The following ZNF681 variants were observed in gnomAD, a reference collection of about 807,000 sequenced individuals.
ZNF681 encodes hypothetical protein FLJ31526.
Under a neutral mutation model 56.0 loss-of-function variants are expected in ZNF681, and 37 were observed. That is an observed-to-expected ratio of 0.66 (90% CI 0.51 to 0.87). ZNF681 has a LOEUF of 0.87. Among genes scored for constraint, ZNF681 ranks in the 40% least tolerant of loss-of-function variants. The probability of loss-of-function intolerance (pLI) is 0.00; values close to 1 mark genes in which losing one functional copy is unlikely to be tolerated. For missense variants in ZNF681, 741 were observed against 744.9 expected, an observed-to-expected ratio of 0.99 and a Z score of 0.06; for synonymous variants, 225 against 248.6, an observed-to-expected ratio of 0.91 and a Z score of 0.89.
chr19:23,754,928 T>G lies in ZNF681; in HGVS notation c.131-10A>C. 1 of 1,606,514 alleles carries G rather than the reference T, an allele frequency of 6.2e-7. No homozygotes were observed. On this transcript the variant is annotated splice_polypyrimidine_tract_variant and intron_variant, in intron 2 of 3. Coordinates refer to ENST00000402377, the MANE Select transcript of ZNF681 (RefSeq NM_138286.3). ...TTAGAGACAACAATACCTGTTTTAT[T>G]GAAAGTAAATAACATAAATCTTGCT...
In ZNF681 at chr19:23,744,215, A is replaced by G; in HGVS notation, c.1335T>C (p.Thr445=). The G allele has an allele frequency of 6.2e-7, 1 of 1,613,666 alleles. No individual in the cohort carries two copies. The highest frequency in any genetic ancestry group is 2.2e-5 in the East Asian group (1 of 44,840). Residue 445 remains threonine (T), a synonymous_variant, in exon 4 of 4, where the codon ACT becomes ACC. Transcript: ENST00000402377. ...SNLTEHKNIH[T]EEKPYKCEEC... ...CTTCACATTTGTATGGTTTCTCTTC[A>G]GTATGAATATTCTTATGTTCAGTAA...
At position 23,739,760 on chromosome 19, in the gene ZNF681, A is replaced by T. The variant is rs1303734875; in HGVS notation, c.*3852T>A. The stretch of plus-strand genomic sequence containing the variant: ...CTTCGAATGTTTTCCAGAGAATATG[A>T]CCAAGAAGTTGGCTAGAGTTAGGTG... On this transcript the variant is annotated 3_prime_UTR_variant, in exon 4 of 4. Transcript: ENST00000402377. The T allele has an allele frequency of 1.3e-5, 2 of 152,152 alleles. No individual in the cohort carries two copies. The highest frequency in any genetic ancestry group is 3.9e-4 in the East Asian group (2 of 5,186). The allele number at this position is 152,152 out of a possible 1,614,324, so 9.4% of individuals were successfully genotyped here.
chr19:23,748,024 A>T (rs1029612113), intron 3 of ZNF681, among the ~76,000 whole-genome samples: 1 of 152,170 alleles, frequency 6.6e-6, no homozygotes, highest in Non-Finnish European at 1.5e-5. Context: ...TAAAATACTT[A>T]AACATATAAA....
chr19:23,756,086 G>C (rs1969113040), intron 1 of ZNF681, among the ~76,000 whole-genome samples: 1 of 152,092 alleles, frequency 6.6e-6, no homozygotes, highest in African/African-American at 2.4e-5. Context: ...AGCACTTTGG[G>C]AGGCTGAGGC....
chr19:23,744,805 T>C lies in ZNF681; in HGVS notation c.745A>G (p.Thr249Ala), dbSNP rs1275146627. 1 of 1,613,458 alleles carries C rather than the reference T, an allele frequency of 6.2e-7. No individual in the cohort carries two copies. The highest frequency in any genetic ancestry group is 1.1e-5 in the South Asian group (1 of 90,954). The change falls in exon 4 of 4, where the codon ACT becomes GCT. Residue 249 changes from threonine to alanine, a missense_variant. Transcript: ENST00000402377. ...TCACGTTTGTAGAGTTTGTCTCTAG[T>C]ATAAATTATCTTATGTGTAGTAAGG... ...TNLTTHKIIYTRDKLYKREEC... is the reference protein window; with the variant it reads ...TNLTTHKIIYARDKLYKREEC...
At chr19:23,748,263 A>C (rs1195804966) in intron 3 of ZNF681, among the ~76,000 whole-genome samples, 1 of 152,186 alleles carries the variant, frequency 6.6e-6, no homozygotes, top group Admixed American at 6.5e-5. Context: ...TAAAGGCCCG[A>C]GGGTCATGAC....
chr19:23,739,923 T>G lies in ZNF681; in HGVS notation c.*3689A>C, dbSNP rs1658073637. ...CAAAATCACAGAGGTCATTTTACTA[T>G]TTTGCAATGTTTAATGTTCACACTT... On this transcript the variant is annotated 3_prime_UTR_variant, in exon 4 of 4. Coordinates refer to ENST00000402377, the MANE Select transcript of ZNF681 (RefSeq NM_138286.3). 6.6e-6 allele frequency: 1 copy of G among 152,156 alleles called. No individual in the cohort carries two copies. Among genetic ancestry groups the G allele is most frequent in the African/African-American group, 2.4e-5 (1 of 41,418 alleles). 9.4% of individuals were successfully genotyped at this position (152,156 alleles called of 1,614,324 possible).
At position 23,744,841 on chromosome 19, in the gene ZNF681, G is replaced by A. The variant is rs539433344; in HGVS notation, c.709C>T (p.Gln237Ter). The A allele has an allele frequency of 3.7e-6, 6 of 1,613,446 alleles. No individual in the cohort carries two copies. The South Asian group carries it at 6.6e-5, about 18-fold the overall frequency. ...TTATGTGTAGTAAGGTTTGTGAACT[G>A]GTTACAGGCTTTGCCACATTCTTCA... ...ICEECGKACN[Q>*]FTNLTTHKII... is the part of the protein sequence containing the mutation. The change falls in exon 4 of 4, where the codon CAG becomes TAG. Residue 237 changes from glutamine (Q) to a stop codon, truncating the protein, a stop_gained. Transcript: ENST00000402377. LOFTEE classifies it high-confidence loss of function.
At chr19:23,745,450 T>A (rs1968931862) in intron 3 of ZNF681, 127 bp from the exon 4 acceptor site, 3 of 171,944 alleles carry the variant, frequency 1.7e-5, no homozygotes, top group Non-Finnish European at 3.1e-5. Flanking sequence ...AAGGCCCTAA[T>A]TTTTTTTTTT....
At chr19:23,747,132 A>G (rs1241133917) in intron 3 of ZNF681, among the ~76,000 whole-genome samples, 1 of 152,154 alleles carries the variant, frequency 6.6e-6, no homozygotes, top group Non-Finnish European at 1.5e-5. Context: ...CAACAAATAA[A>G]TGTAAGAAAA....
In ZNF681 at chr19:23,739,692, C is replaced by T. The variant is rs577071740; in HGVS notation, c.*3920G>A. On this transcript the variant is annotated 3_prime_UTR_variant, in exon 4 of 4. Coordinates refer to ENST00000402377, the MANE Select transcript of ZNF681 (RefSeq NM_138286.3). ...TGTGAACACAGTAAACAAGTTTGCACGCAAAATAATAGAAAATGTTTTTAT... is the reference window on the plus strand; with the variant it reads ...TGTGAACACAGTAAACAAGTTTGCATGCAAAATAATAGAAAATGTTTTTAT... 7 of 151,994 alleles carry T rather than the reference C, an allele frequency of 4.6e-5. No individual in the cohort carries two copies. Among genetic ancestry groups the T allele is most frequent in the South Asian group, 2.1e-4 (1 of 4,822 alleles). 9.4% of individuals were successfully genotyped at this position (151,994 alleles called of 1,614,324 possible). A position where few individuals can be genotyped will look rare whatever the true frequency, so the allele number is the denominator to read the frequency against.
chr19:23,744,071 A>G lies in ZNF681; in HGVS notation c.1479T>C (p.Leu493=). Residue 493 remains leucine (L), a synonymous_variant, in exon 4 of 4, where the codon CTT becomes CTC. Coordinates refer to ENST00000402377, the MANE Select transcript of ZNF681 (RefSeq NM_138286.3). ...CAGTATGAATTCTCTTATGTGTAGT[A>G]AGGATTGAGGACTGGTTAAAAGCTT... ...CGKAFNQSSI[L]TTHKRIHTGE... The G allele has an allele frequency of 6.2e-7, 1 of 1,613,096 alleles. No homozygotes were observed. Among genetic ancestry groups the G allele is most frequent in the Non-Finnish European group, 8.5e-7 (1 of 1,179,682 alleles).
At chr19:23,747,683 A>G (rs1968965968) in intron 3 of ZNF681, among the ~76,000 whole-genome samples, 1 of 151,980 alleles carries the variant, frequency 6.6e-6, no homozygotes. Context: ...CAAGTTTTAC[A>G]AGAATATTGT....
chr19:23,751,342 G>T (rs1342693836), intron 3 of ZNF681, among the ~76,000 whole-genome samples: 1 of 151,586 alleles, frequency 6.6e-6, no homozygotes, highest in East Asian at 1.9e-4. Context: ...TGGGCGTTTT[G>T]GCACATGGCT....
Position 23,743,024 on chromosome 19 carries a change from A to G in ZNF681, c.*588T>C, listed in dbSNP as rs919757188. 6 of 152,254 alleles carry G rather than the reference A, an allele frequency of 3.9e-5. No homozygotes were observed. The highest frequency in any genetic ancestry group is 1.4e-4 in the African/African-American group (6 of 41,460). The allele number at this position is 152,254 out of a possible 1,614,324, so 9.4% of individuals were successfully genotyped here. ...ACTGTGAATTATCTGATATTTACAT[A>G]GAATTTTGGATTAAATATTTTTTCA... On this transcript the variant is annotated 3_prime_UTR_variant, in exon 4 of 4. Coordinates refer to ENST00000402377, the MANE Select transcript of ZNF681 (RefSeq NM_138286.3).
In ZNF681 at chr19:23,743,708, A is replaced by C. The variant is rs1365065293; in HGVS notation, c.1842T>G (p.Gly614=). The C allele has an allele frequency of 3.1e-6, 5 of 1,611,128 alleles. No homozygotes were observed. In the Admixed American group the frequency reaches 8.4e-5, roughly 27 times the overall value. The change falls in exon 4 of 4, where the codon GGT becomes GGG. Residue 614 remains glycine, a synonymous_variant. Transcript: ENST00000402377. ...NLTGHKKIHT[G]EKLYKPKRCN... ...ATCTTTTAGGTTTGTAGAGTTTCTC[A>C]CCAGTATGAATTTTCTTATGTCCAG...
rs765757326 is a variant in ZNF681 at position 23,744,603 on chromosome 19, C to G, written c.947G>C (p.Gly316Ala). Residue 316 changes from glycine (G) to alanine (A), a missense_variant, in exon 4 of 4, where the codon GGC (glycine) becomes GCC (alanine). Transcript: ENST00000402377. The part of the protein sequence containing the change: ...REKLNEYKEC[G>A]KAFNQSSHLT... ...GTGTGAGGACTGGTTGAAAGCTTTGCCACATTCCTTATATTCATTGAGTTT... is the reference window on the plus strand; with the variant it reads ...GTGTGAGGACTGGTTGAAAGCTTTGGCACATTCCTTATATTCATTGAGTTT... 6.2e-7 allele frequency: 1 copy of G among 1,613,858 alleles called. No individual in the cohort carries two copies. The highest frequency in any genetic ancestry group is 2.2e-5 in the East Asian group (1 of 44,850).
Position 23,743,633 on chromosome 19 carries a change from ATTTCT to A in ZNF681, c.1912_1916del (p.Arg638LeufsTer4), listed in dbSNP as rs1968897000. ...ATTTCTAAGATTTCTCACCAGCATA[ATTTCT>A]TTTATGTTTAGAAAACTTTGAAGTG... is the stretch of plus-strand genomic sequence containing the variant. On this transcript the variant is annotated frameshift_variant, in exon 4 of 4. Transcript: ENST00000402377. LOFTEE classifies it high-confidence loss of function. The A allele has an allele frequency of 2.7e-6, 4 of 1,506,712 alleles. No individual in the cohort carries two copies. The highest frequency in any genetic ancestry group is 4.8e-5 in the East Asian group (2 of 42,002). 93.3% of individuals were successfully genotyped at this position (1,506,712 alleles called of 1,614,324 possible).
intron 3 of ZNF681, among the ~76,000 whole-genome samples, chr19:23,752,522 C>T (rs74479096): frequency 7.3e-6 from 1 of 136,502 alleles, no homozygotes; most frequent in East Asian, 2.2e-4. Context: ...ACCATATACA[C>T]AGACCTGACT....
Sources: gnomAD v4.1 joint callset for allele counts (sites outside exome capture counted in the v4.1 genomes callset) on GRCh38, gnomAD v4.1.1 for gene constraint, MANE v1.5 for transcripts, NCBI Gene and HGNC (gene_info 2026-07-23, HGNC 2026-07-21) for gene names.